Variants in PRKDC observed in about 807,000 individuals in gnomAD.
PRKDC encodes the protein protein kinase, DNA-activated, catalytic subunit, also known as DNA-dependent protein kinase catalytic subunit.
PRKDC carries 82 observed loss-of-function variants against 486.9 expected under a neutral mutation model. That is an observed-to-expected ratio of 0.17 (90% CI 0.14 to 0.20). The LOEUF (loss-of-function observed/expected upper bound fraction) is 0.20. Among genes scored for constraint, PRKDC ranks in the 10% least tolerant of loss-of-function variants. The pLI is 1.00. For missense variants in PRKDC, 4,504 were observed against 5,038.2 expected, an observed-to-expected ratio of 0.89 and a Z score of 3.21; for synonymous variants, 1,895 against 1,837.0, an observed-to-expected ratio of 1.03 and a Z score of -0.81.
intron 59 of PRKDC, among the ~76,000 whole-genome samples, chr8:47,832,913 C>G (rs1023185786): frequency 6.6e-6 from 1 of 152,190 alleles, no homozygotes; most frequent in Non-Finnish European, 1.5e-5. Flanking sequence ...GAGAAAAGAC[C>G]CACGTTCTCA....
At position 47,935,613 on chromosome 8, in the gene PRKDC, GAGTTCAAA is replaced by G. The variant is rs936548278; in HGVS notation, c.1447+111_1447+118del. 40 of 1,135,450 alleles carry G rather than the reference GAGTTCAAA, an allele frequency of 3.5e-5. No individual in the cohort carries two copies. In the African/African-American group the frequency reaches 6.0e-4, roughly 17 times the overall value. 70.3% of individuals were successfully genotyped at this position (1,135,450 alleles called of 1,614,324 possible). On this transcript the variant is annotated intron_variant, in intron 13 of 85. Coordinates refer to ENST00000314191, the MANE Select transcript of PRKDC (RefSeq NM_006904.7). ...AAGATTTTGGTCTACCAAAATTTAGGAGTTCAAAAGTTGTGTCAAAGATACAAAAGAAT... is the reference window on the plus strand; with the variant it reads ...AAGATTTTGGTCTACCAAAATTTAGGAGTTGTGTCAAAGATACAAAAGAAT...
At chr8:47,784,102 C>T (rs1039804749) in intron 77 of PRKDC, 17 of 272,216 alleles carry the variant, frequency 6.2e-5, no homozygotes, top group African/African-American at 3.3e-4. Flanking sequence ...ACTAAAAATA[C>T]AAAAAATTGG....
At position 47,890,295 on chromosome 8, in the gene PRKDC, T is replaced by C; in HGVS notation, c.4033A>G (p.Thr1345Ala). Reference sequence around the variant, plus strand: ...GGGGAGGTGTTTAGCAGAGTCGTGGTAAACTCCATAATCCGGACCACAACG... The same window carrying C: ...GGGGAGGTGTTTAGCAGAGTCGTGGCAAACTCCATAATCCGGACCACAACG... Reference protein sequence around the residue: ...CTVVVRIMEFTTTLLNTSPEG... With the variant: ...CTVVVRIMEFATTLLNTSPEG... Residue 1345 changes from threonine to alanine, a missense_variant, in exon 32 of 86, where the codon ACC becomes GCC. Around this residue, in one of 6 missense-constraint regions of PRKDC, gnomAD observed 1,969 missense variants for 2,068.9 expected, o/e 0.95. Transcript: ENST00000314191. 1 of 1,612,506 alleles carries C rather than the reference T, an allele frequency of 6.2e-7. No individual in the cohort carries two copies. The highest frequency in any genetic ancestry group is 1.1e-5 in the South Asian group (1 of 90,880).
chr8:47,881,990 C>A lies in PRKDC; in HGVS notation c.4884G>T (p.Lys1628Asn). Residue 1628 changes from lysine to asparagine, a missense_variant, in exon 37 of 86, where the codon AAG becomes AAT. Around this residue, in one of 6 missense-constraint regions of PRKDC, gnomAD observed 1,969 missense variants for 2,068.9 expected, o/e 0.95. Transcript: ENST00000314191. ...LATTILQHWK[K>N]CDSWWAKDSP... ...AATCTTTGGCCCACCATGAATCACACTTCTTCCAGTGTTGCAGAATTGTAG... is the reference window on the plus strand; with the variant it reads ...AATCTTTGGCCCACCATGAATCACAATTCTTCCAGTGTTGCAGAATTGTAG... The A allele has an allele frequency of 6.2e-7, 1 of 1,614,060 alleles. No homozygotes were observed. Among genetic ancestry groups the A allele is most frequent in the Non-Finnish European group, 8.5e-7 (1 of 1,179,898 alleles).
intron 74 of PRKDC, among the ~76,000 whole-genome samples, chr8:47,790,804 A>G (rs1184574912): frequency 2.0e-5 from 3 of 152,210 alleles, no homozygotes; most frequent in Non-Finnish European, 4.4e-5. Flanking sequence ...CCAAGAACAT[A>G]CATCAGGGAA....
At chr8:47,855,945 G>C (rs1393581148) in intron 49 of PRKDC, among the ~76,000 whole-genome samples, 1 of 152,164 alleles carries the variant, frequency 6.6e-6, no homozygotes, top group Admixed American at 6.5e-5. Context: ...AAAGCTTCAC[G>C]GCAACCTTTC....
At chr8:47,781,688 C>A (rs1055129904) in intron 80 of PRKDC, among the ~76,000 whole-genome samples, 1 of 152,202 alleles carries the variant, frequency 6.6e-6, no homozygotes, top group Non-Finnish European at 1.5e-5. Context: ...GCATCCACAT[C>A]ATGACCTAGA....
Position 47,811,229 on chromosome 8 carries a change from G to A in PRKDC, c.9558-3903C>T, listed in dbSNP as rs1408204349. Reference sequence around the variant, plus strand: ...TGTGGGCCACAACGATGGGAATAACGAGGACATTATCTTCAGAGACACAGC... The same window carrying A: ...TGTGGGCCACAACGATGGGAATAACAAGGACATTATCTTCAGAGACACAGC... On this transcript the variant is annotated intron_variant, in intron 68 of 85. Transcript: ENST00000314191. 5.3e-5 allele frequency among the ~76,000 whole-genome samples: 8 copies of A among 152,292 alleles called. 1 individual carries two copies. The South Asian group carries it at 1.7e-3, about 32-fold the overall frequency.
intron 72 of PRKDC, among the ~76,000 whole-genome samples, chr8:47,798,947 T>C (rs868562071): frequency 6.6e-6 from 1 of 152,276 alleles, no homozygotes; most frequent in Middle Eastern, 3.4e-3. Flanking sequence ...TAGCTGGGAC[T>C]ACAGGCATGG....
chr8:47,810,955 G>T (rs1263398358), intron 68 of PRKDC, among the ~76,000 whole-genome samples: 4 of 152,122 alleles, frequency 2.6e-5, no homozygotes, highest in African/African-American at 9.7e-5. Context: ...CAAAAGGCAC[G>T]ATGTATGTGT....
At chr8:47,933,267 G>A (rs978487658) in intron 15 of PRKDC, 95 bp from the exon 16 acceptor site, 42 of 1,004,252 alleles carry the variant, frequency 4.2e-5, no homozygotes, top group Non-Finnish European at 3.3e-5. Flanking sequence ...TGTATGTGCC[G>A]GTTTGGGTAT....
At chr8:47,895,252 A>T (rs538606203) in intron 30 of PRKDC, among the ~76,000 whole-genome samples, 14 of 152,332 alleles carry the variant, frequency 9.2e-5, no homozygotes, top group African/African-American at 3.1e-4. Flanking sequence ...GAGGATAAAG[A>T]TACCAAAGGA....
intron 54 of PRKDC, among the ~76,000 whole-genome samples, chr8:47,845,954 C>G (rs1245461977): frequency 6.6e-6 from 1 of 152,128 alleles, no homozygotes; most frequent in Non-Finnish European, 1.5e-5. Context: ...AAATTGAATC[C>G]AACAACACAA....
chr8:47,938,028 T>C (rs947316511), intron 11 of PRKDC, among the ~76,000 whole-genome samples: 21 of 152,036 alleles, frequency 1.4e-4, no homozygotes, highest in Admixed American at 1.1e-3. Context: ...GGCAGCAGGA[T>C]TGCTTAGCCC....
chr8:47,839,375 A>C, intron 55 of PRKDC, 129 bp from the exon 56 acceptor site: 1 of 683,104 alleles, frequency 1.5e-6, no homozygotes, highest in Non-Finnish European at 2.5e-6. Context: ...AGATCTCCAA[A>C]TCACAGCTTG....
chr8:47,836,543 T>C lies in PRKDC; in HGVS notation c.7762-16A>G, dbSNP rs373611993. On this transcript the variant is annotated splice_polypyrimidine_tract_variant and intron_variant, in intron 57 of 85. Transcript: ENST00000314191. ...TGGTATATTCCTGTACATAAGAAAG[T>C]TTCAAATGAAATAAAGTTTCAAATG... 2.6e-6 allele frequency: 4 copies of C among 1,560,204 alleles called. No homozygotes were observed. Among genetic ancestry groups the C allele is most frequent in the Non-Finnish European group, 3.5e-6 (4 of 1,149,146 alleles).
At chr8:47,778,159 T>C (rs1212912193) in intron 83 of PRKDC, among the ~76,000 whole-genome samples, 1 of 152,098 alleles carries the variant, frequency 6.6e-6, no homozygotes, top group African/African-American at 2.4e-5. Flanking sequence ...AAGATCTGTA[T>C]CACATTTTTG....
At chr8:47,837,006 T>C (rs544444515) in intron 57 of PRKDC, among the ~76,000 whole-genome samples, 1 of 152,202 alleles carries the variant, frequency 6.6e-6, no homozygotes, top group South Asian at 2.1e-4. Flanking sequence ...GCAATGGCGA[T>C]CCTGACAAGG....
At position 47,957,275 on chromosome 8, in the gene PRKDC, G is replaced by T; in HGVS notation, c.232-12C>A. The T allele has an allele frequency of 1.3e-6, 2 of 1,585,856 alleles. No individual in the cohort carries two copies. The highest frequency in any genetic ancestry group is 1.7e-6 in the Non-Finnish European group (2 of 1,157,524). Reference sequence around the variant, plus strand: ...CTACATTCACGAAACTGTAATGAAAGAGATACATATTGTAAATATGGGTAA... The same window carrying T: ...CTACATTCACGAAACTGTAATGAAATAGATACATATTGTAAATATGGGTAA... On this transcript the variant is annotated splice_polypyrimidine_tract_variant and intron_variant, in intron 2 of 85. Transcript: ENST00000314191.
Sources: gnomAD v4.1 joint callset for allele counts (sites outside exome capture counted in the v4.1 genomes callset) on GRCh38, gnomAD v4.1.1 for gene constraint, gnomAD v4.1.1 regional missense constraint, MANE v1.5 for transcripts, NCBI Gene and HGNC (gene_info 2026-07-23, HGNC 2026-07-21) for gene names.